Variants in AGBL4 observed in about 807,000 individuals in gnomAD.
AGBL4 encodes the protein cytosolic carboxypeptidase 6.
Under a neutral mutation model 66.4 loss-of-function variants are expected in AGBL4, and 58 were observed. The ratio of observed to expected loss-of-function variants is 0.87; its 90% CI spans 0.71 to 1.09. AGBL4 has a LOEUF of 1.09. Ranked by LOEUF, AGBL4 falls within the 50% of genes least tolerant of loss-of-function variation. AGBL4 has a pLI of 0.00. For missense variants in AGBL4, 579 were observed against 631.0 expected (o/e 0.92, Z 0.88); for synonymous variants, 234 against 222.9 (o/e 1.05, Z -0.44).
intron 3 of AGBL4, among the ~76,000 whole-genome samples, chr1:49,277,603 A>G (rs779351155): frequency 1.3e-5 from 2 of 152,136 alleles, no homozygotes; most frequent in Non-Finnish European, 2.9e-5. Context: ...TCCACTAGAT[A>G]GCTAAAGAAA....
At chr1:49,177,947 A>AAACC (rs1326180436) in intron 4 of AGBL4, among the ~76,000 whole-genome samples, 1 of 152,216 alleles carries the variant, frequency 6.6e-6, no homozygotes, top group East Asian at 1.9e-4. Context: ...CAGCAGGCCT[A>AAACC]CATCTTCAGG....
At chr1:48,819,919 C>G in intron 6 of AGBL4, among the ~76,000 whole-genome samples, 1 of 152,162 alleles carries the variant, frequency 6.6e-6, no homozygotes, top group Non-Finnish European at 1.5e-5. Context: ...TCTATTGAGC[C>G]TAAAATGGGC....
At chr1:49,288,131 A>T (rs867898592) in intron 3 of AGBL4, among the ~76,000 whole-genome samples, 3 of 143,178 alleles carry the variant, frequency 2.1e-5, no homozygotes, top group Non-Finnish European at 4.6e-5. Context: ...ACCAAACACC[A>T]CATATTCTCA....
At chr1:49,967,307 T>A (rs1224603213) in intron 1 of AGBL4, among the ~76,000 whole-genome samples, 2 of 152,160 alleles carry the variant, frequency 1.3e-5, no homozygotes, top group Non-Finnish European at 2.9e-5. Flanking sequence ...ATGTGGCACA[T>A]ATACACCATG....
At chr1:49,629,910 T>G (rs12402461) in intron 3 of AGBL4, among the ~76,000 whole-genome samples, 9 of 152,184 alleles carry the variant, frequency 5.9e-5, no homozygotes, top group Admixed American at 5.9e-4. Flanking sequence ...TTCTCCATTC[T>G]TGCCTCTTTC....
At chr1:49,832,907 G>A (rs922834332) in intron 2 of AGBL4, among the ~76,000 whole-genome samples, 15 of 152,160 alleles carry the variant, frequency 9.9e-5, no homozygotes, top group East Asian at 1.9e-4. Context: ...TTTGTCAGAT[G>A]AGTAGGTTGT....
At chr1:48,825,677 C>T (rs1360568060) in intron 6 of AGBL4, among the ~76,000 whole-genome samples, 3 of 152,152 alleles carry the variant, frequency 2.0e-5, no homozygotes, top group African/African-American at 7.2e-5. Flanking sequence ...GGGGAAAGGG[C>T]ATTTTCCTCA....
Position 49,331,370 on chromosome 1 carries a change from G to A in AGBL4, c.283-85506C>T, listed in dbSNP as rs992723220. On this transcript the variant is annotated intron_variant, in intron 3 of 13. Transcript: ENST00000371839. Reference sequence around the variant, plus strand: ...ATTCTAGCCAGCCACCGGACACAGGGTAGTGCCTGCCTCAGAAGGGACTAA... The same window carrying A: ...ATTCTAGCCAGCCACCGGACACAGGATAGTGCCTGCCTCAGAAGGGACTAA... Among the ~76,000 whole-genome samples, 15 of 152,148 alleles carry A rather than the reference G, an allele frequency of 9.9e-5. No individual in the cohort carries two copies. In the East Asian group the frequency reaches 2.7e-3, roughly 28 times the overall value.
At chr1:48,733,263 T>C (rs548910025) in intron 6 of AGBL4, among the ~76,000 whole-genome samples, 3 of 152,208 alleles carry the variant, frequency 2.0e-5, no homozygotes, top group East Asian at 3.9e-4. Flanking sequence ...AGCAGGAGCA[T>C]AACTGAAGGA....
At chr1:48,897,852 C>CT (rs1186008646) in intron 5 of AGBL4, among the ~76,000 whole-genome samples, 4 of 149,208 alleles carry the variant, frequency 2.7e-5, no homozygotes, top group Non-Finnish European at 5.9e-5. Context: ...GCTCTGTCAC[C>CT]AGGCCGGAGT....
chr1:48,679,452 A>G (rs1646419808), intron 6 of AGBL4, among the ~76,000 whole-genome samples: 1 of 152,166 alleles, frequency 6.6e-6, no homozygotes, highest in East Asian at 1.9e-4. Flanking sequence ...AACCAGGGCC[A>G]CAGTGGGGGT....
At chr1:49,178,470 C>T (rs1183230886) in intron 4 of AGBL4, among the ~76,000 whole-genome samples, 1 of 152,150 alleles carries the variant, frequency 6.6e-6, no homozygotes, top group African/African-American at 2.4e-5. Context: ...GCACAGAATT[C>T]TGATCTTGTA....
At position 49,045,746 on chromosome 1, in the gene AGBL4, C is replaced by T; in HGVS notation, c.432G>A (p.Lys144=). Residue 144 remains lysine (K), a synonymous_variant, in exon 5 of 14, where the codon AAG becomes AAA. Coordinates refer to ENST00000371839, the MANE Select transcript of AGBL4 (RefSeq NM_032785.4). ...VYYYRCPDHR[K]NYVMSFAFCF... is the part of the protein sequence containing the mutation. ...AAAAGGCAAAGGACATCACATAGTTCTTCCTATGGTCCGGGCAGCGGTAGT... is the reference window on the plus strand; with the variant it reads ...AAAAGGCAAAGGACATCACATAGTTTTTCCTATGGTCCGGGCAGCGGTAGT... 1 of 1,551,896 alleles carries T rather than the reference C, an allele frequency of 6.4e-7. No homozygotes were observed. Among genetic ancestry groups the T allele is most frequent in the Non-Finnish European group, 8.7e-7 (1 of 1,146,946 alleles).
At chr1:49,617,029 G>A (rs1476763893) in intron 3 of AGBL4, among the ~76,000 whole-genome samples, 1 of 152,094 alleles carries the variant, frequency 6.6e-6, no homozygotes, top group Non-Finnish European at 1.5e-5. Flanking sequence ...ATCAGATGGT[G>A]CCACTCCAGG....
chr1:49,867,095 G>A (rs1207677350), intron 1 of AGBL4, among the ~76,000 whole-genome samples: 1 of 152,192 alleles, frequency 6.6e-6, no homozygotes, highest in South Asian at 2.1e-4. Flanking sequence ...CTGCCGGGAG[G>A]TGCGGCCAGG....
At chr1:48,722,552 G>T (rs1193310819) in intron 6 of AGBL4, among the ~76,000 whole-genome samples, 1 of 152,070 alleles carries the variant, frequency 6.6e-6, no homozygotes, top group Non-Finnish European at 1.5e-5. Context: ...TGAATGCAGG[G>T]TCTCAATTCA....
intron 3 of AGBL4, among the ~76,000 whole-genome samples, chr1:49,444,539 CTT>C (rs1291365535): frequency 6.6e-6 from 1 of 151,456 alleles, no homozygotes; most frequent in Non-Finnish European, 1.5e-5. Flanking sequence ...CTTTTTTTTC[CTT>C]TTTTTACTGT....
At chr1:49,471,488 C>A (rs1527829) in intron 3 of AGBL4, among the ~76,000 whole-genome samples, 1 of 151,756 alleles carries the variant, frequency 6.6e-6, no homozygotes, top group South Asian at 2.1e-4. Context: ...TACACAACAA[C>A]GAACATAATA....
intron 6 of AGBL4, among the ~76,000 whole-genome samples, chr1:48,694,427 C>T (rs766361980): frequency 8.5e-5 from 13 of 152,134 alleles, no homozygotes; most frequent in Non-Finnish European, 1.9e-4. Flanking sequence ...TAAAGTATTG[C>T]CGTTCTTGAT....
Sources: gnomAD v4.1 joint callset for allele counts (sites outside exome capture counted in the v4.1 genomes callset) on GRCh38, gnomAD v4.1.1 for gene constraint, MANE v1.5 for transcripts, NCBI Gene and HGNC (gene_info 2026-07-23, HGNC 2026-07-21) for gene names.